NALCN: variants seen among roughly 807,000 people sequenced by gnomAD.
NALCN encodes sodium leak channel NALCN.
A neutral mutation model predicts 225.3 loss-of-function variants in NALCN; 111 were observed. The ratio of observed to expected loss-of-function variants is 0.49; its 90% CI spans 0.42 to 0.58. The LOEUF (loss-of-function observed/expected upper bound fraction) is 0.58, where lower values mean the gene tolerates loss of function less well. Ranked by LOEUF, NALCN falls within the 20% of genes least tolerant of loss-of-function variation. The pLI is 0.00. For synonymous variants in NALCN, 764 were observed against 769.0 expected, an observed-to-expected ratio of 0.99 and a Z score of 0.11; for missense variants, 1,378 against 2,202.4, an observed-to-expected ratio of 0.63 and a Z score of 7.49.
At chr13:101,297,509 G>T (rs1344592146) in intron 7 of NALCN, among the ~76,000 whole-genome samples, 1 of 152,106 alleles carries the variant, frequency 6.6e-6, no homozygotes, top group African/African-American at 2.4e-5. Flanking sequence ...CCCCTCCAGG[G>T]ATATGGAACA....
intron 17 of NALCN, among the ~76,000 whole-genome samples, chr13:101,135,813 C>CAGAAGAGGAAAAAGTTTAAAA (rs1369840042): frequency 1.3e-5 from 2 of 152,110 alleles, no homozygotes; most frequent in African/African-American, 4.8e-5. Context: ...AAACTGTAGT[C>CAGAAGAGGAAAAAGTTTAAAA]AGAAGAGGAA....
chr13:101,250,354 T>C (rs927278147), intron 11 of NALCN, among the ~76,000 whole-genome samples: 8 of 152,174 alleles, frequency 5.3e-5, no homozygotes, highest in Non-Finnish European at 1.2e-4. Flanking sequence ...ATCAGTAGCT[T>C]GCCCTAATAG....
chr13:101,075,788 G>T (rs533989026), intron 35 of NALCN, 85 bp downstream of exon 35: 4 of 1,113,326 alleles, frequency 3.6e-6, no homozygotes, highest in Admixed American at 5.1e-5. Context: ...CTAAATAACC[G>T]AGGTAAGGCT....
chr13:101,097,791 C>T (rs2034593782), intron 27 of NALCN, among the ~76,000 whole-genome samples: 1 of 152,154 alleles, frequency 6.6e-6, no homozygotes, highest in South Asian at 2.1e-4. Context: ...ATTTCAGGCA[C>T]TTGAGGATCT....
At chr13:101,276,405 G>A (rs575920188) in intron 10 of NALCN, among the ~76,000 whole-genome samples, 6 of 152,252 alleles carry the variant, frequency 3.9e-5, no homozygotes, top group African/African-American at 7.2e-5. Context: ...AACAAGTGGC[G>A]TTAAAGAGCT....
chr13:101,100,995 C>T, intron 26 of NALCN, 107 bp from the exon 27 acceptor site: 2 of 894,376 alleles, frequency 2.2e-6, no homozygotes, highest in East Asian at 5.6e-5. Context: ...GTATAAAAAT[C>T]ATGGGTTTTT....
intron 36 of NALCN, among the ~76,000 whole-genome samples, 163 bp downstream of exon 36, chr13:101,074,351 G>GA (rs1399438625): frequency 6.6e-6 from 1 of 151,980 alleles, no homozygotes; most frequent in Non-Finnish European, 1.5e-5. Flanking sequence ...TTTTCAACTG[G>GA]AAAAATATCA....
chr13:101,061,863 C>T (rs970493655), intron 41 of NALCN, 105 bp downstream of exon 41: 2 of 1,075,250 alleles, frequency 1.9e-6, no homozygotes, highest in Non-Finnish European at 2.6e-6. Flanking sequence ...AGGCTGATCA[C>T]AGAAGGAGCT....
At position 101,395,199 on chromosome 13, in the gene NALCN, A is replaced by G. The variant is rs758225072; in HGVS notation, c.275T>C (p.Ile92Thr). The G allele has an allele frequency of 6.2e-7, 1 of 1,613,478 alleles. No homozygotes were observed. Among genetic ancestry groups the G allele is most frequent in the South Asian group, 1.1e-5 (1 of 90,958 alleles). Reference protein sequence around the residue: ...YTAEMIAKMHIRGIVKGDSSY... With the variant: ...YTAEMIAKMHTRGIVKGDSSY... ...AGTGCTCACCTTGACAATGCCCCGG[A>G]TGTGCATTTTTGCTATCATCTCTGC... The change falls in exon 3 of 44, where the codon ATC (isoleucine) becomes ACC (threonine). Residue 92 changes from isoleucine to threonine, a missense_variant. Transcript: ENST00000251127.
intron 34 of NALCN, among the ~76,000 whole-genome samples, chr13:101,077,342 C>T (rs1439428845): frequency 1.3e-5 from 2 of 152,146 alleles, no homozygotes; most frequent in Non-Finnish European, 2.9e-5. Flanking sequence ...AACTGGGTAA[C>T]AGGCAGAGGT....
intron 7 of NALCN, among the ~76,000 whole-genome samples, chr13:101,315,461 G>C (rs2044520752): frequency 6.6e-6 from 1 of 152,086 alleles, no homozygotes; most frequent in Non-Finnish European, 1.5e-5. Flanking sequence ...TTATTCTTTA[G>C]AGGAGATGAA....
At chr13:101,291,958 T>C (rs376479851) in intron 9 of NALCN, 32 bp downstream of exon 9, 179 of 1,607,156 alleles carry the variant, frequency 1.1e-4, no homozygotes, top group Non-Finnish European at 1.7e-5. Context: ...CATGCTCGAA[T>C]GGGTTATAAC....
chr13:101,314,532 ATT>A (rs1290726054), intron 7 of NALCN, among the ~76,000 whole-genome samples: 1 of 152,102 alleles, frequency 6.6e-6, no homozygotes, highest in African/African-American at 2.4e-5. Context: ...GTCACTGTGA[ATT>A]CTCTATCTCT....
At chr13:101,213,676 A>G (rs2040612928) in intron 13 of NALCN, among the ~76,000 whole-genome samples, 1 of 152,242 alleles carries the variant, frequency 6.6e-6, no homozygotes. Flanking sequence ...TTATGCAGCC[A>G]AAAGACACAT....
chr13:101,329,332 A>G (rs1335250031), intron 7 of NALCN, among the ~76,000 whole-genome samples: 2 of 152,220 alleles, frequency 1.3e-5, no homozygotes, highest in Non-Finnish European at 2.9e-5. Flanking sequence ...AAGTGAAAGC[A>G]TTTGAATATT....
At chr13:101,311,528 C>T (rs1485344256) in intron 7 of NALCN, among the ~76,000 whole-genome samples, 6 of 151,128 alleles carry the variant, frequency 4.0e-5, no homozygotes, top group Admixed American at 1.3e-4. Context: ...TTTTGAGATA[C>T]GTCCCATCAA....
intron 15 of NALCN, among the ~76,000 whole-genome samples, chr13:101,147,543 T>C (rs2037414056): frequency 6.6e-6 from 1 of 151,716 alleles, no homozygotes; most frequent in East Asian, 1.9e-4. Context: ...AAAAAACTTT[T>C]GTTTTAACAA....
At chr13:101,253,815 G>A (rs60651963) in intron 11 of NALCN, among the ~76,000 whole-genome samples, 25,482 of 152,154 alleles carry the variant, frequency 0.17, 2,713 homozygotes, top group East Asian at 0.36. Context: ...AGTTGAGACA[G>A]AGAGAGGGTG....
intron 26 of NALCN, among the ~76,000 whole-genome samples, chr13:101,102,183 T>A (rs1373437902): frequency 6.6e-6 from 1 of 151,744 alleles, no homozygotes; most frequent in Admixed American, 6.6e-5. Context: ...CTTGGGAGGC[T>A]GAGGCATGAG....
Sources: allele counts gnomAD v4.1 joint callset (sites outside exome capture counted in the v4.1 genomes callset), GRCh38; gene constraint gnomAD v4.1.1; transcripts MANE v1.5; gene names NCBI Gene and HGNC (gene_info 2026-07-23, HGNC 2026-07-21).